The following UGT1A4 variants were observed in gnomAD, a reference collection of about 807,000 sequenced individuals.
The protein encoded by UGT1A4 is UDP-glucuronosyltransferase 1A4.
UGT1A4 carries 32 observed loss-of-function variants against 41.1 expected under a neutral mutation model. That is an observed-to-expected ratio of 0.78 (90% CI 0.59 to 1.05). The LOEUF (loss-of-function observed/expected upper bound fraction) is 1.05, where lower values mean the gene tolerates loss of function less well. Among genes scored for constraint, UGT1A4 ranks in the 50% least tolerant of loss-of-function variants. UGT1A4 has a pLI of 0.00. For synonymous variants in UGT1A4, 283 were observed against 265.1 expected (o/e 1.07, Z -0.66); for missense variants, 748 against 677.4 (o/e 1.10, Z -1.16).
intron 1 of UGT1A4, among the ~76,000 whole-genome samples, chr2:233,746,886 T>C (rs1265545295): frequency 6.6e-6 from 1 of 151,624 alleles, no homozygotes; most frequent in Non-Finnish European, 1.5e-5. Context: ...AACAGAGAAG[T>C]AGGAGGCTGT....
intron 1 of UGT1A4, among the ~76,000 whole-genome samples, chr2:233,722,610 G>T (rs1001116668): frequency 5.9e-5 from 9 of 152,028 alleles, no homozygotes; most frequent in Non-Finnish European, 1.3e-4. Context: ...CTTTACATTT[G>T]ATTTTTCTTA....
intron 1 of UGT1A4, among the ~76,000 whole-genome samples, chr2:233,723,589 G>T (rs2077103312): frequency 9.1e-6 from 1 of 109,944 alleles, no homozygotes; most frequent in Non-Finnish European, 1.8e-5. Context: ...GGGGGATTTG[G>T]CAGGGTCATG....
At chr2:233,761,090 T>A in intron 1 of UGT1A4, 1 of 1,614,218 alleles carries the variant, frequency 6.2e-7, no homozygotes, top group Admixed American at 1.7e-5. Flanking sequence ...CCTAGGCCCA[T>A]CATGCCCAAT....
At chr2:233,735,907 G>A (rs1349886995) in intron 1 of UGT1A4, among the ~76,000 whole-genome samples, 1 of 151,990 alleles carries the variant, frequency 6.6e-6, no homozygotes, top group African/African-American at 2.4e-5. Context: ...TTCCCTTTGT[G>A]GGTAACCCGA....
At chr2:233,737,893 C>T (rs954991944) in intron 1 of UGT1A4, among the ~76,000 whole-genome samples, 2 of 152,082 alleles carry the variant, frequency 1.3e-5, no homozygotes, top group African/African-American at 4.8e-5. Flanking sequence ...AGCTAATTTT[C>T]GAGTGTGGTA....
chr2:233,765,844 C>G (rs997504549), intron 1 of UGT1A4, among the ~76,000 whole-genome samples: 1 of 152,044 alleles, frequency 6.6e-6, no homozygotes, highest in African/African-American at 2.4e-5. Flanking sequence ...TTCCTTGTCC[C>G]CCTCACAGAG....
At chr2:233,738,256 C>A (rs775163628) in intron 1 of UGT1A4, among the ~76,000 whole-genome samples, 10 of 152,180 alleles carry the variant, frequency 6.6e-5, no homozygotes, top group Non-Finnish European at 1.0e-4. Context: ...GAACTGGAGT[C>A]AATTAAAGCT....
At chr2:233,754,155 A>T (rs1695407663) in intron 1 of UGT1A4, 1 of 153,430 alleles carries the variant, frequency 6.5e-6, no homozygotes, top group Admixed American at 6.4e-5. Flanking sequence ...AAATTAAGCC[A>T]GAGTATTAAT....
Position 233,769,751 on chromosome 2 carries a change from AG to A in UGT1A4, c.1307+1314del. 1 of 1,422,830 alleles carries A rather than the reference AG, an allele frequency of 7.0e-7. No homozygotes were observed. Among genetic ancestry groups the A allele is most frequent in the South Asian group, 1.5e-5 (1 of 65,502 alleles). 88.1% of individuals were successfully genotyped at this position (1,422,830 alleles called of 1,614,324 possible). On this transcript the variant is annotated intron_variant, in intron 4 of 4. Coordinates refer to ENST00000373409, the MANE Select transcript of UGT1A4 (RefSeq NM_007120.3). This position sits in a 1 kb window ranked among gnomAD's most constrained non-coding sequence, Gnocchi z 4.4. ...ACGCCTGTAGTCCCAGCCACTCTGGAGGCTAAGGCGGGAGGATTGCTTGAGC... is the reference window on the plus strand; with the variant it reads ...ACGCCTGTAGTCCCAGCCACTCTGGAGCTAAGGCGGGAGGATTGCTTGAGC...
chr2:233,745,309 A>G (rs1470353088), intron 1 of UGT1A4, among the ~76,000 whole-genome samples: 1 of 151,872 alleles, frequency 6.6e-6, no homozygotes, highest in African/African-American at 2.4e-5. Context: ...TGCAGTGATT[A>G]TTTCCACTAG....
intron 1 of UGT1A4, among the ~76,000 whole-genome samples, chr2:233,734,621 G>C (rs1231102351): frequency 6.6e-6 from 1 of 152,064 alleles, no homozygotes; most frequent in Non-Finnish European, 1.5e-5. Context: ...GTTGATTTTA[G>C]ATCTTTCCTG....
rs944391861 is a variant in UGT1A4, at chr2:233,772,995, T to C, written c.*436T>C. ...ACCAATAATGGTCAGTCCTCATCTC[T>C]GTCGTGCTTCATAGGTGCCACCTTG... On this transcript the variant is annotated 3_prime_UTR_variant, in exon 5 of 5. Transcript: ENST00000373409. The C allele has an allele frequency of 2.4e-5, 6 of 254,024 alleles. No individual in the cohort carries two copies. The highest frequency in any genetic ancestry group is 1.4e-4 in the African/African-American group (6 of 44,320). The allele number at this position is 254,024 out of a possible 1,614,324, so 15.7% of individuals were successfully genotyped here.
rs28934877 is a variant in UGT1A4 at position 233,768,333 on chromosome 2, A to G, written c.1201A>G (p.Asn401Asp). The G allele has an allele frequency of 9.9e-6, 16 of 1,614,100 alleles. No homozygotes were observed. The highest frequency in any genetic ancestry group is 1.2e-5 in the Non-Finnish European group (14 of 1,180,052). Residue 401 changes from asparagine (N) to aspartate (D), a missense_variant, in exon 4 of 5, where the codon AAT becomes GAT. Coordinates refer to ENST00000373409, the MANE Select transcript of UGT1A4 (RefSeq NM_007120.3). Reference sequence around the variant, plus strand: ...GCCCTTGTTTGGTGATCAGATGGACAATGCAAAGCGCATGGAGACTAAGGG... The same window carrying G: ...GCCCTTGTTTGGTGATCAGATGGACGATGCAAAGCGCATGGAGACTAAGGG... ...MMPLFGDQMD[N>D]AKRMETKGAG...
At chr2:233,768,584 T>C (rs1699663282) in intron 4 of UGT1A4, 145 bp downstream of exon 4, 3 of 86,896 alleles carry the variant, frequency 3.5e-5, no homozygotes, top group Non-Finnish European at 4.3e-5. Flanking sequence ...TATTTCTTCT[T>C]TTTTTTTTTT....
chr2:233,756,501 T>C (rs1696241019), intron 1 of UGT1A4: 1 of 152,186 alleles, frequency 6.6e-6, no homozygotes, highest in Non-Finnish European at 1.5e-5. Flanking sequence ...CCCAAGTATA[T>C]GGAGGGTCAA....
Position 233,768,202 on chromosome 2 carries a change from C to A in UGT1A4, c.1088-18C>A. 6.2e-7 allele frequency: 1 copy of A among 1,614,156 alleles called. No individual in the cohort carries two copies. On this transcript the variant is annotated intron_variant, in intron 3 of 4. Transcript: ENST00000373409. ...TCAGAGATGTAACTGCTGACATCCT[C>A]CCTATTTTGCATCTCAGGTCACCCG...
In UGT1A4 at chr2:233,728,991, T is replaced by C. The variant is rs868429591; in HGVS notation, c.867+9304T>C. On this transcript the variant is annotated intron_variant, in intron 1 of 4. Transcript: ENST00000373409. ...GATAGATTAATGGTTAATAATTAAC[T>C]AGAGGAGGGCACTCTGTCTTCCAAT... 5.2e-5 allele frequency: 80 copies of C among 1,542,528 alleles called. No homozygotes were observed. The African/African-American group carries it at 1.0e-3, about 20-fold the overall frequency.
At chr2:233,739,662 G>A (rs1426546706) in intron 1 of UGT1A4, among the ~76,000 whole-genome samples, 1 of 152,182 alleles carries the variant, frequency 6.6e-6, no homozygotes, top group African/African-American at 2.4e-5. Context: ...TACCCCCATT[G>A]TGTCTTGGAA....
At chr2:233,736,362 A>G (rs1213397450) in intron 1 of UGT1A4, among the ~76,000 whole-genome samples, 1 of 152,180 alleles carries the variant, frequency 6.6e-6, no homozygotes, top group African/African-American at 2.4e-5. Flanking sequence ...CAGCTCCATC[A>G]GGTCATTTAA....
Sources: gnomAD v4.1 joint callset for allele counts (sites outside exome capture counted in the v4.1 genomes callset) on GRCh38, gnomAD v4.1.1 for gene constraint, Gnocchi (gnomAD v3.1) non-coding constraint, MANE v1.5 for transcripts, NCBI Gene and HGNC (gene_info 2026-07-23, HGNC 2026-07-21) for gene names.